The following GOSR2 variants were observed in gnomAD, a reference collection of about 807,000 sequenced individuals.
The protein encoded by GOSR2 is 27 kDa Golgi SNARE protein.
GOSR2 carries 20 observed loss-of-function variants against 27.9 expected under a neutral mutation model. That is an observed-to-expected ratio of 0.72 (90% CI 0.50 to 1.04). GOSR2 has a LOEUF of 1.04. GOSR2 is among the 50% of genes least tolerant of loss of function. The pLI is 0.00. For synonymous variants in GOSR2, 91 were observed against 98.8 expected (o/e 0.92, Z 0.47); for missense variants, 261 against 270.5 (o/e 0.97, Z 0.25).
In GOSR2 at chr17:46,931,162, T is replaced by C. The variant is rs762867555; in HGVS notation, c.158T>C (p.Ile53Thr). 1 of 1,610,974 alleles carries C rather than the reference T, an allele frequency of 6.2e-7. No individual in the cohort carries two copies. Among genetic ancestry groups the C allele is most frequent in the Admixed American group, 1.7e-5 (1 of 60,002 alleles). ...TTCAGCCGTCTAGAACGTCTGGAGATTTTGTCCAGCAAGGAGCCCCCTAAC... is the reference window on the plus strand; with the variant it reads ...TTCAGCCGTCTAGAACGTCTGGAGACTTTGTCCAGCAAGGAGCCCCCTAAC... Reference protein sequence around the residue: ...QIFSRLERLEILSSKEPPNKR... With the variant: ...QIFSRLERLETLSSKEPPNKR... Residue 53 changes from isoleucine to threonine, a missense_variant, in exon 3 of 6, where the codon ATT becomes ACT. Transcript: ENST00000640051.
In GOSR2 at chr17:46,942,008, T is replaced by G; in HGVS notation, c.*3248T>G. The stretch of plus-strand genomic sequence containing the variant: ...TGTTAAGTCCAAAATAAATTCTTAC[T>G]GTTTATATCCTACCTTAGTCCAAAA... On this transcript the variant is annotated 3_prime_UTR_variant, in exon 6 of 6. Transcript: ENST00000640051. The G allele has an allele frequency of 1.0e-6, 1 of 953,186 alleles. No homozygotes were observed. The highest frequency in any genetic ancestry group is 1.2e-6 in the Non-Finnish European group (1 of 800,466). 59.0% of individuals were successfully genotyped at this position (953,186 alleles called of 1,614,324 possible).
intron 6 of GOSR2, among the ~76,000 whole-genome samples, chr17:46,955,136 G>GAT (rs1206327651): frequency 6.6e-6 from 1 of 152,100 alleles, no homozygotes; most frequent in Non-Finnish European, 1.5e-5. Flanking sequence ...CATTCAGTAT[G>GAT]ATATTGGCTG....
At chr17:46,934,166 C>T (rs775500213) in intron 4 of GOSR2, among the ~76,000 whole-genome samples, 1 of 143,354 alleles carries the variant, frequency 7.0e-6, no homozygotes, top group Non-Finnish European at 1.5e-5. Flanking sequence ...CCCAGCTCCA[C>T]TGGACTTCCA....
chr17:46,936,058 G>A (rs923303568), intron 5 of GOSR2: 53 of 985,730 alleles, frequency 5.4e-5, no homozygotes, highest in Non-Finnish European at 6.1e-5. Flanking sequence ...CCATCTCTAC[G>A]GGGGAGAGGG....
At chr17:46,949,528 G>T (rs2090170812) in intron 6 of GOSR2, among the ~76,000 whole-genome samples, 1 of 152,192 alleles carries the variant, frequency 6.6e-6, no homozygotes, top group Non-Finnish European at 1.5e-5. Context: ...AGAAGAGCAG[G>T]TGGGATGGAA....
chr17:46,935,816 G>C lies in GOSR2; in HGVS notation c.477+647G>C, dbSNP rs933271498. 3.0e-6 allele frequency: 3 copies of C among 985,950 alleles called. No homozygotes were observed. In the African/African-American group the frequency reaches 5.2e-5, roughly 17 times the overall value. The allele number at this position is 985,950 out of a possible 1,614,324, so 61.1% of individuals were successfully genotyped here. ...TTTACAGAAACATTACACAGACTCT[G>C]ATGTCAGTCATGATGTTTCAGCCTC... On this transcript the variant is annotated intron_variant, in intron 5 of 5. Coordinates refer to ENST00000640051, the MANE Select transcript of GOSR2 (RefSeq NM_004287.5).
intron 4 of GOSR2, chr17:46,933,420 C>T (rs1464516563): frequency 6.6e-6 from 1 of 152,178 alleles, no homozygotes; most frequent in African/African-American, 2.4e-5. Context: ...AGAGAAGTCT[C>T]TGAGTCTTTC....
Position 46,935,044 on chromosome 17 carries a change from A to G in GOSR2, c.352A>G (p.Ile118Val), listed in dbSNP as rs745840057. 4 of 1,612,928 alleles carry G rather than the reference A, an allele frequency of 2.5e-6. No homozygotes were observed. The highest frequency in any genetic ancestry group is 3.4e-6 in the Non-Finnish European group (4 of 1,178,924). The change falls in exon 5 of 6, where the codon ATA (isoleucine) becomes GTA (valine). Residue 118 changes from isoleucine (I) to valine (V), a missense_variant. Ile to Val is a conservative substitution (Grantham distance 29, BLOSUM62 3). Coordinates refer to ENST00000640051, the MANE Select transcript of GOSR2 (RefSeq NM_004287.5). ...TCTTTCACAGGACTCTGACACCACC[A>G]TACCAATGGACGAATCACTGCAGTT... is the stretch of plus-strand genomic sequence containing the variant. ...TFTTNDSDTT[I>V]PMDESLQFNS...
At chr17:46,959,580 A>G (rs963123548) in intron 6 of GOSR2, among the ~76,000 whole-genome samples, 22 of 152,236 alleles carry the variant, frequency 1.4e-4, no homozygotes, top group Admixed American at 9.2e-4. Context: ...TATTACTATT[A>G]TAAATGTTTA....
intron 4 of GOSR2, 191 bp downstream of exon 4, chr17:46,932,390 A>C: frequency 1.5e-6 from 1 of 646,456 alleles, no homozygotes; most frequent in Non-Finnish European, 2.7e-6. Context: ...TTTTTCTAAG[A>C]CAAAAACCTG....
intron 5 of GOSR2, chr17:46,936,052 C>T: frequency 6.1e-6 from 6 of 985,822 alleles, no homozygotes; most frequent in Non-Finnish European, 7.2e-6. Flanking sequence ...TCCCTGCCAT[C>T]TCTACGGGGG....
intron 5 of GOSR2, chr17:46,937,216 G>A (rs1392853534): frequency 6.6e-6 from 1 of 152,080 alleles, no homozygotes. Context: ...TCTATAGAAG[G>A]GTTTTAGGTC....
intron 1 of GOSR2, 33 bp from the exon 2 acceptor site, chr17:46,929,487 G>A: frequency 2.6e-6 from 3 of 1,156,650 alleles, no homozygotes; most frequent in Non-Finnish European, 2.6e-6. Flanking sequence ...GATTACTCCT[G>A]TCTCACTCAT....
chr17:46,941,909 A>G lies in GOSR2; in HGVS notation c.*3149A>G. On this transcript the variant is annotated 3_prime_UTR_variant, in exon 6 of 6. Coordinates refer to ENST00000640051, the MANE Select transcript of GOSR2 (RefSeq NM_004287.5). The stretch of plus-strand genomic sequence containing the variant: ...CCTCTAAGGTGATTCTGATGTGTGT[A>G]TTTTGGAACCACTGTCTCCTAGACA... 1 of 984,990 alleles carries G rather than the reference A, an allele frequency of 1.0e-6. No individual in the cohort carries two copies. Among genetic ancestry groups the G allele is most frequent in the Non-Finnish European group, 1.2e-6 (1 of 829,580 alleles). 61.0% of individuals were successfully genotyped at this position (984,990 alleles called of 1,614,324 possible).
At position 46,938,855 on chromosome 17, in the gene GOSR2, AT is replaced by A; in HGVS notation, c.*96del. 6.3e-7 allele frequency: 1 copy of A among 1,594,872 alleles called. No homozygotes were observed. Among genetic ancestry groups the A allele is most frequent in the Non-Finnish European group, 8.5e-7 (1 of 1,173,552 alleles). On this transcript the variant is annotated 3_prime_UTR_variant, in exon 6 of 6. Coordinates refer to ENST00000640051, the MANE Select transcript of GOSR2 (RefSeq NM_004287.5). ...GGGGGCCCAGAGGCCGCCTTTTGAA[AT>A]GTTTGCCTGTCTGAACTGTGAAGAC...
intron 6 of GOSR2, among the ~76,000 whole-genome samples, chr17:46,958,250 C>T (rs1270903667): frequency 6.6e-6 from 1 of 152,220 alleles, no homozygotes; most frequent in African/African-American, 2.4e-5. Context: ...TCAACCTTCA[C>T]ATTTTACAGG....
chr17:46,954,599 CTAT>C (rs566639230), intron 6 of GOSR2, among the ~76,000 whole-genome samples: 208 of 152,298 alleles, frequency 1.4e-3, no homozygotes, highest in African/African-American at 4.8e-3. Flanking sequence ...GACATTGAAT[CTAT>C]AAATTACCTT....
chr17:46,965,836 GC>G (rs1036462599), intron 6 of GOSR2, among the ~76,000 whole-genome samples: 17 of 136,752 alleles, frequency 1.2e-4, no homozygotes, highest in Non-Finnish European at 2.5e-4. Flanking sequence ...TCATTATGTT[GC>G]CCAGGTTGGT....
intron 6 of GOSR2, among the ~76,000 whole-genome samples, chr17:46,951,847 A>G (rs1373978016): frequency 6.6e-6 from 1 of 152,148 alleles, no homozygotes; most frequent in African/African-American, 2.4e-5. Context: ...CAGCCTTGCA[A>G]GAAAATCTGG....
Sources: gnomAD v4.1 joint callset for allele counts (sites outside exome capture counted in the v4.1 genomes callset) on GRCh38, gnomAD v4.1.1 for gene constraint, MANE v1.5 for transcripts, NCBI Gene and HGNC (gene_info 2026-07-23, HGNC 2026-07-21) for gene names.